The following ZNF608 variants were observed in gnomAD, a reference collection of about 807,000 sequenced individuals.
ZNF608 encodes the protein zinc finger protein 608.
Under a neutral mutation model 109.0 loss-of-function variants are expected in ZNF608, and 12 were observed. That is an observed-to-expected ratio of 0.11 (90% CI 0.07 to 0.18). The LOEUF (loss-of-function observed/expected upper bound fraction) is 0.18, where lower values mean the gene tolerates loss of function less well. ZNF608 is among the 10% of genes least tolerant of loss of function. ZNF608 has a pLI of 1.00. For synonymous variants in ZNF608, 732 were observed against 717.4 expected (o/e 1.02, Z -0.33); for missense variants, 1,707 against 1,879.3 (o/e 0.91, Z 1.70).
chr5:124,728,396 T>C (rs1748717669), intron 2 of ZNF608, among the ~76,000 whole-genome samples: 1 of 152,210 alleles, frequency 6.6e-6, no homozygotes, highest in African/African-American at 2.4e-5. Context: ...AGATCACCTC[T>C]GCTTTGGGGT....
intron 2 of ZNF608, among the ~76,000 whole-genome samples, chr5:124,729,093 C>G (rs1044673830): frequency 6.6e-6 from 1 of 152,186 alleles, no homozygotes; most frequent in Non-Finnish European, 1.5e-5. Flanking sequence ...AGGAGGAGGT[C>G]CCTGAGTCGC....
chr5:124,651,692 T>C (rs1482469287), intron 3 of ZNF608, among the ~76,000 whole-genome samples: 2 of 152,272 alleles, frequency 1.3e-5, no homozygotes, highest in African/African-American at 2.4e-5. Flanking sequence ...TTATTGCTTT[T>C]CCCCTAAGGG....
chr5:124,721,674 G>A (rs541882222), intron 2 of ZNF608, among the ~76,000 whole-genome samples: 3 of 152,000 alleles, frequency 2.0e-5, no homozygotes, highest in Non-Finnish European at 4.4e-5. Context: ...AGTGGCTCAC[G>A]CCTGTAATCT....
intron 8 of ZNF608, 76 bp from the exon 9 acceptor site, chr5:124,639,290 C>G (rs1239701805): frequency 7.8e-7 from 1 of 1,273,908 alleles, no homozygotes; most frequent in Non-Finnish European, 1.1e-6. Flanking sequence ...GGAGAAGGGC[C>G]GCAGACCTAG....
At chr5:124,651,903 C>A (rs1014101889) in intron 3 of ZNF608, among the ~76,000 whole-genome samples, 2 of 152,232 alleles carry the variant, frequency 1.3e-5, no homozygotes, top group Admixed American at 6.5e-5. Context: ...CTGCTCGGCT[C>A]CCTCGGTGCA....
chr5:124,728,995 A>AT (rs1472351555), intron 2 of ZNF608, among the ~76,000 whole-genome samples: 1 of 152,146 alleles, frequency 6.6e-6, no homozygotes. Flanking sequence ...TGGGCCCAAG[A>AT]TTTAGGTCAG....
chr5:124,708,495 C>G lies in ZNF608; in HGVS notation c.907-7226G>C, dbSNP rs539748553. 1.2e-4 allele frequency among the ~76,000 whole-genome samples: 18 copies of G among 152,244 alleles called. No individual in the cohort carries two copies. The South Asian group carries it at 3.5e-3, about 30-fold the overall frequency. On this transcript the variant is annotated intron_variant, in intron 2 of 9. Coordinates refer to ENST00000513986, the MANE Select transcript of ZNF608 (RefSeq NM_020747.3). ...CTGGCCCTTTTCTGTATGTTGGAAG[C>G]AATATACCTGAATCACCCTTTATTA...
intron 3 of ZNF608, among the ~76,000 whole-genome samples, chr5:124,668,195 A>AT (rs1751560112): frequency 7.4e-6 from 1 of 135,686 alleles, no homozygotes; most frequent in Non-Finnish European, 1.6e-5. Flanking sequence ...TATGCTTAAA[A>AT]ATATATATAT....
intron 3 of ZNF608, among the ~76,000 whole-genome samples, chr5:124,676,591 G>C (rs1311024054): frequency 1.3e-5 from 2 of 152,056 alleles, no homozygotes; most frequent in African/African-American, 4.8e-5. Flanking sequence ...AAAAAAAATA[G>C]CCGCACACTA....
chr5:124,659,101 G>C (rs1220105833), intron 3 of ZNF608, among the ~76,000 whole-genome samples: 1 of 151,738 alleles, frequency 6.6e-6, no homozygotes, highest in Non-Finnish European at 1.5e-5. Flanking sequence ...AAAGAGTGCA[G>C]CCATTCAAAT....
Position 124,744,179 on chromosome 5 carries a change from G to A in ZNF608, c.811C>T (p.Pro271Ser), listed in dbSNP as rs763510412. 1.2e-6 allele frequency: 2 copies of A among 1,613,598 alleles called. No individual in the cohort carries two copies. The highest frequency in any genetic ancestry group is 1.7e-4 in the Middle Eastern group (1 of 6,060). Residue 271 changes from proline (P) to serine (S), a missense_variant, in exon 2 of 10, where the codon CCG becomes TCG. Physicochemically the swap from Pro to Ser is moderately conservative, Grantham distance 74. Around this residue, in one of 7 missense-constraint regions of ZNF608, gnomAD observed 407 missense variants for 398.7 expected, o/e 1.02. Transcript: ENST00000513986. The surrounding 1 kb of genome is among the most constrained non-coding windows in gnomAD (Gnocchi z 4.5). ...GAGTTTCCCATGAGCCCTGAATCCG[G>A]GGCACTTTTGCTAACTTCCCCTGCA... ...AAAGEVSKSA[P>S]DSGLMGNSML... is the part of the protein sequence containing the mutation.
intron 3 of ZNF608, among the ~76,000 whole-genome samples, chr5:124,691,252 T>C (rs1752615225): frequency 6.6e-6 from 1 of 152,026 alleles, no homozygotes; most frequent in Non-Finnish European, 1.5e-5. Context: ...CCCTGTCTCT[T>C]TTATTTAAAA....
chr5:124,678,523 C>T (rs1752055822), intron 3 of ZNF608, among the ~76,000 whole-genome samples: 1 of 152,214 alleles, frequency 6.6e-6, no homozygotes, highest in Admixed American at 6.5e-5. Flanking sequence ...AAAAGGACAA[C>T]TTGGAACTGC....
At chr5:124,643,395 C>G in intron 7 of ZNF608, 116 bp downstream of exon 7, 1 of 949,100 alleles carries the variant, frequency 1.1e-6, no homozygotes, top group South Asian at 1.7e-5. Flanking sequence ...GATAAAACAG[C>G]ATCCTGAAAT....
chr5:124,722,591 AC>A (rs1753975944), intron 2 of ZNF608, among the ~76,000 whole-genome samples: 1 of 139,314 alleles, frequency 7.2e-6, no homozygotes, highest in Non-Finnish European at 1.6e-5. Context: ...ACACACACAC[AC>A]ACACACACAC....
At chr5:124,725,207 C>T (rs1182266739) in intron 2 of ZNF608, among the ~76,000 whole-genome samples, 1 of 152,028 alleles carries the variant, frequency 6.6e-6, no homozygotes, top group African/African-American at 2.4e-5. Flanking sequence ...AAATAAAATT[C>T]TTCTTTTCCA....
intron 3 of ZNF608, among the ~76,000 whole-genome samples, chr5:124,700,060 T>C (rs890364913): frequency 1.3e-5 from 2 of 152,170 alleles, no homozygotes; most frequent in African/African-American, 4.8e-5. Flanking sequence ...TCCCTTATCT[T>C]TGACCGATCT....
At chr5:124,693,312 TATA>T (rs764557653) in intron 3 of ZNF608, among the ~76,000 whole-genome samples, 1 of 152,230 alleles carries the variant, frequency 6.6e-6, no homozygotes, top group Non-Finnish European at 1.5e-5. Context: ...GCTCAGTCAC[TATA>T]ATATTAAGAC....
intron 2 of ZNF608, among the ~76,000 whole-genome samples, chr5:124,719,210 T>C (rs759750348): frequency 6.6e-6 from 1 of 152,220 alleles, no homozygotes; most frequent in Non-Finnish European, 1.5e-5. Context: ...TGACAACCCA[T>C]ACATAGAAAG....
Sources: gnomAD v4.1 joint callset for allele counts (sites outside exome capture counted in the v4.1 genomes callset) on GRCh38, gnomAD v4.1.1 for gene constraint, gnomAD v4.1.1 regional missense constraint, Gnocchi (gnomAD v3.1) non-coding constraint, MANE v1.5 for transcripts, NCBI Gene and HGNC (gene_info 2026-07-23, HGNC 2026-07-21) for gene names.